The following SOS2 variants were observed in gnomAD, a reference collection of about 807,000 sequenced individuals.
SOS2 encodes son of sevenless homolog 2.
Under a neutral mutation model 148.2 loss-of-function variants are expected in SOS2, and 65 were observed. The ratio of observed to expected loss-of-function variants is 0.44; its 90% CI spans 0.36 to 0.54. The LOEUF (loss-of-function observed/expected upper bound fraction) is 0.54. Ranked by LOEUF, SOS2 falls within the 20% of genes least tolerant of loss-of-function variation. The pLI is 0.00. For missense variants in SOS2, 1,341 were observed against 1,590.2 expected, an observed-to-expected ratio of 0.84 and a Z score of 2.67; for synonymous variants, 539 against 537.1, an observed-to-expected ratio of 1.00 and a Z score of -0.05.
At chr14:50,231,065 C>G (rs1225236332) in intron 1 of SOS2, 132 bp downstream of exon 1, 2 of 564,240 alleles carry the variant, frequency 3.5e-6, no homozygotes, top group African/African-American at 3.9e-5. Flanking sequence ...CAATTGTGAG[C>G]CCCCCATTGC....
intron 8 of SOS2, among the ~76,000 whole-genome samples, chr14:50,171,460 C>T (rs1885359686): frequency 6.6e-6 from 1 of 151,888 alleles, no homozygotes; most frequent in African/African-American, 2.4e-5. Context: ...CCAAGATGGA[C>T]AGATCATGAG....
At chr14:50,227,953 C>G (rs775635828) in intron 1 of SOS2, among the ~76,000 whole-genome samples, 1 of 152,012 alleles carries the variant, frequency 6.6e-6, no homozygotes, top group Non-Finnish European at 1.5e-5. Flanking sequence ...CAGTACAGTG[C>G]TATGCTTGAA....
intron 1 of SOS2, among the ~76,000 whole-genome samples, chr14:50,230,367 T>C (rs1374909553): frequency 6.6e-6 from 1 of 152,186 alleles, no homozygotes; most frequent in Non-Finnish European, 1.5e-5. Context: ...ATCACGCACC[T>C]ATTCACAGTC....
At position 50,159,790 on chromosome 14, in the gene SOS2, T is replaced by C; in HGVS notation, c.1493A>G (p.Gln498Arg). 6.2e-7 allele frequency: 1 copy of C among 1,614,150 alleles called. No homozygotes were observed. The highest frequency in any genetic ancestry group is 8.5e-7 in the Non-Finnish European group (1 of 1,180,000). Residue 498 changes from glutamine (Q) to arginine (R), a missense_variant, in exon 10 of 23, where the codon CAA becomes CGA. Gln to Arg is a conservative substitution (Grantham distance 43). Transcript: ENST00000216373. ...LKEKFVMRKI[Q>R]ICDKEDTCEH... ...ACAAGTATCTTCTTTATCACAAATT[T>C]GTATTTTCCTCATGACAAATTTTTC... is the stretch of plus-strand genomic sequence containing the variant.
rs538196694 is a variant in SOS2, at chr14:50,132,334, T to C, written c.3076-1572A>G. Among the ~76,000 whole-genome samples the C allele has an allele frequency of 2.2e-4, 25 of 116,248 alleles. No individual in the cohort carries two copies. In the South Asian group the frequency reaches 6.1e-3, roughly 28 times the overall value. The allele number at this position is 116,248 out of a possible 152,430, so 76.3% of individuals were successfully genotyped here. ...GGGTTTGAGACCAGCCTGGGCAATA[T>C]AGCAAGACTCTATTGCCATTAAAAA... On this transcript the variant is annotated intron_variant, in intron 19 of 22. Coordinates refer to ENST00000216373, the MANE Select transcript of SOS2 (RefSeq NM_006939.4).
chr14:50,130,482 G>C lies in SOS2; in HGVS notation c.3337+19C>G, dbSNP rs901541087. The C allele has an allele frequency of 6.2e-7, 1 of 1,603,350 alleles. No individual in the cohort carries two copies. Among genetic ancestry groups the C allele is most frequent in the Non-Finnish European group, 8.5e-7 (1 of 1,174,258 alleles). ...CACAGGATTCCTTTTTTACCAAGCG[G>C]TTTACATCAAATACTTACCACAGGA... On this transcript the variant is annotated intron_variant, in intron 20 of 22. Transcript: ENST00000216373.
intron 1 of SOS2, among the ~76,000 whole-genome samples, chr14:50,221,086 C>A (rs977509327): frequency 1.8e-4 from 27 of 152,214 alleles, no homozygotes; most frequent in East Asian, 1.9e-4. Flanking sequence ...AAGAAAAAAA[C>A]CAAAAAGTAT....
chr14:50,223,753 G>C (rs1887269414), intron 1 of SOS2, among the ~76,000 whole-genome samples: 1 of 152,074 alleles, frequency 6.6e-6, no homozygotes, highest in Non-Finnish European at 1.5e-5. Flanking sequence ...CGGCAGGGGG[G>C]TGAGGTGGGA....
rs1285116657 is a variant in SOS2 at position 50,189,097 on chromosome 14, ACACACG to A, written c.511-403_511-398del. On this transcript the variant is annotated intron_variant, in intron 4 of 22. Transcript: ENST00000216373. ...CACACACACACACACACACACACAC[ACACACG>A]CACACACAAATATTACACAATGAGT... Among the ~76,000 whole-genome samples, 648 of 150,674 alleles carry A rather than the reference ACACACG, an allele frequency of 4.3e-3. 5 individuals carry two copies. Among genetic ancestry groups the A allele is most frequent in the African/African-American group, 0.015 (615 of 41,044 alleles).
At chr14:50,178,670 G>GTGTATATA (rs1566839555) in intron 7 of SOS2, among the ~76,000 whole-genome samples, 28 of 68,008 alleles carry the variant, frequency 4.1e-4, no homozygotes, top group Middle Eastern at 0.013. Context: ...GTGTGTGTGT[G>GTGTATATA]CATATATATA....
intron 14 of SOS2, among the ~76,000 whole-genome samples, chr14:50,148,386 G>A (rs1293880464): frequency 1.4e-5 from 2 of 144,316 alleles, no homozygotes; most frequent in Admixed American, 7.2e-5. Flanking sequence ...CTCCAGCCTG[G>A]GTGACAGAGC....
chr14:50,120,159 A>G (rs139838365), intron 22 of SOS2, 116 bp downstream of exon 22: 59 of 594,572 alleles, frequency 9.9e-5, no homozygotes, highest in African/African-American at 8.3e-4. Flanking sequence ...AACAACCCAA[A>G]TGCTGAAAAA....
Position 50,199,744 on chromosome 14 carries a change from G to A in SOS2, c.457C>T (p.Arg153Trp), listed in dbSNP as rs778339464. 5.0e-6 allele frequency: 8 copies of A among 1,607,902 alleles called. No individual in the cohort carries two copies. The highest frequency in any genetic ancestry group is 1.1e-5 in the South Asian group (1 of 90,544). Residue 153 changes from arginine (R) to tryptophan (W), a missense_variant, in exon 4 of 23, where the codon CGG (arginine) becomes TGG (tryptophan). Transcript: ENST00000216373. ...KLAGNYVFNI[R>W]HYEISQQDIK... is the part of the protein sequence containing the mutation. ...TCCTGCTGAGATATTTCATAATGCC[G>A]GATATTAAAAACATAATTACCAGCC...
At chr14:50,158,480 G>A (rs750811824) in intron 11 of SOS2, 85 bp downstream of exon 11, 6 of 703,066 alleles carry the variant, frequency 8.5e-6, no homozygotes, top group Non-Finnish European at 1.5e-5. Flanking sequence ...ATTAACTTGA[G>A]TATTTATTAG....
intron 19 of SOS2, among the ~76,000 whole-genome samples, chr14:50,132,429 G>A (rs1883908986): frequency 6.6e-6 from 1 of 150,960 alleles, no homozygotes; most frequent in Non-Finnish European, 1.5e-5. Context: ...GGGAGGTCGA[G>A]GCAGGTGGAT....
intron 16 of SOS2, among the ~76,000 whole-genome samples, chr14:50,142,768 G>GT (rs1174812100): frequency 2.6e-5 from 4 of 152,192 alleles, no homozygotes; most frequent in Non-Finnish European, 5.9e-5. Flanking sequence ...TAATGCTGCA[G>GT]TAACTATATC....
chr14:50,183,602 A>G (rs1282685156), intron 5 of SOS2, among the ~76,000 whole-genome samples: 3 of 152,206 alleles, frequency 2.0e-5, no homozygotes, highest in Non-Finnish European at 4.4e-5. Context: ...TACTTTTTAC[A>G]TAAAGAATTC....
At chr14:50,167,380 C>A (rs992891706) in intron 8 of SOS2, among the ~76,000 whole-genome samples, 3 of 147,886 alleles carry the variant, frequency 2.0e-5, no homozygotes, top group Non-Finnish European at 4.5e-5. Flanking sequence ...AATAAAAAAA[C>A]AAAAATTAGC....
chr14:50,131,842 T>A (rs2139516708), intron 19 of SOS2, among the ~76,000 whole-genome samples: 1 of 152,296 alleles, frequency 6.6e-6, no homozygotes, highest in Non-Finnish European at 1.5e-5. Context: ...CGGCAGATCA[T>A]CAACATCAAT....
Sources: gnomAD v4.1 joint callset for allele counts (sites outside exome capture counted in the v4.1 genomes callset) on GRCh38, gnomAD v4.1.1 for gene constraint, MANE v1.5 for transcripts, NCBI Gene and HGNC (gene_info 2026-07-23, HGNC 2026-07-21) for gene names.